The following DMXL1 variants were observed in gnomAD, a reference collection of about 807,000 sequenced individuals.
The protein encoded by DMXL1 is dmX-like protein 1.
In DMXL1, 99 loss-of-function variants were observed where a neutral mutation model predicts 319.2. That is an observed-to-expected ratio of 0.31 (90% CI 0.26 to 0.37). The LOEUF is 0.37. Among genes scored for constraint, DMXL1 ranks in the 10% least tolerant of loss-of-function variants. The pLI is 1.00. For synonymous variants in DMXL1, 1,385 were observed against 1,235.2 expected, an observed-to-expected ratio of 1.12 and a Z score of -2.54; for missense variants, 3,745 against 3,595.6, an observed-to-expected ratio of 1.04 and a Z score of -1.06.
chr5:119,144,192 A>G (rs553719083), intron 14 of DMXL1, among the ~76,000 whole-genome samples: 3 of 151,704 alleles, frequency 2.0e-5, no homozygotes, highest in South Asian at 2.1e-4. Context: ...AAATATTATC[A>G]TATTACCATT....
intron 42 of DMXL1, among the ~76,000 whole-genome samples, chr5:119,242,993 C>T (rs1338455610): frequency 6.6e-6 from 1 of 152,078 alleles, no homozygotes; most frequent in Non-Finnish European, 1.5e-5. Context: ...AATAATAGAA[C>T]TTCTGGAATG....
chr5:119,198,705 A>C (rs1216742608), intron 32 of DMXL1, among the ~76,000 whole-genome samples: 3 of 152,248 alleles, frequency 2.0e-5, no homozygotes, highest in African/African-American at 7.2e-5. Context: ...ACAAGGCATC[A>C]CATTACCTGA....
chr5:119,207,928 T>G (rs1044876807), intron 34 of DMXL1, among the ~76,000 whole-genome samples: 1 of 152,188 alleles, frequency 6.6e-6, no homozygotes, highest in Non-Finnish European at 1.5e-5. Context: ...CTCAAAAAAA[T>G]TTTTAAGGTT....
intron 1 of DMXL1, among the ~76,000 whole-genome samples, chr5:119,075,928 A>G (rs765273698): frequency 6.6e-6 from 1 of 152,184 alleles, no homozygotes; most frequent in Non-Finnish European, 1.5e-5. Flanking sequence ...TAAAAAGAAG[A>G]CTAGTTAATT....
chr5:119,090,655 C>A (rs569527865), intron 1 of DMXL1, among the ~76,000 whole-genome samples: 1 of 151,242 alleles, frequency 6.6e-6, no homozygotes, highest in African/African-American at 2.4e-5. Context: ...CTCTGCCTCC[C>A]GTGTTCAAGC....
At chr5:119,163,185 T>C (rs1287394137) in intron 19 of DMXL1, among the ~76,000 whole-genome samples, 1 of 152,200 alleles carries the variant, frequency 6.6e-6, no homozygotes, top group African/African-American at 2.4e-5. Flanking sequence ...TTTATAACTA[T>C]ATTATTTAAT....
intron 5 of DMXL1, 86 bp from the exon 6 acceptor site, chr5:119,114,389 C>A (rs375025752): frequency 5.9e-5 from 55 of 925,968 alleles, no homozygotes; most frequent in South Asian, 5.2e-4. Context: ...TCTTTTGAAC[C>A]AATTGCTGAT....
chr5:119,243,150 G>A (rs1461989509), intron 42 of DMXL1, among the ~76,000 whole-genome samples: 1 of 152,182 alleles, frequency 6.6e-6, no homozygotes. Flanking sequence ...TCATTTGTCA[G>A]TGCTCATCAA....
Position 119,129,330 on chromosome 5 carries a change from GT to G in DMXL1, c.1229del (p.Leu410TyrfsTer17). 1 of 1,613,718 alleles carries G rather than the reference GT, an allele frequency of 6.2e-7. No homozygotes were observed. The highest frequency in any genetic ancestry group is 1.7e-5 in the Admixed American group (1 of 60,000). The part of the protein sequence containing the change: ...KELHFTLSME[V>X]FLQQLRKSFE... ...ACTGCATTTTACTTTGTCCATGGAA[GT>G]TTTTTTACAGCAACTTAGAAAAAGT... On this transcript the variant is annotated frameshift_variant, in exon 10 of 44. Transcript: ENST00000539542. LOFTEE classifies it high-confidence loss of function.
intron 28 of DMXL1, among the ~76,000 whole-genome samples, chr5:119,186,651 G>A (rs1255355697): frequency 2.0e-5 from 3 of 152,190 alleles, no homozygotes; most frequent in Non-Finnish European, 4.4e-5. Flanking sequence ...AAGTCTAGCA[G>A]TACAGAAGAA....
At chr5:119,206,711 C>T (rs3797335) in intron 33 of DMXL1, 123 bp from the exon 34 acceptor site, 129,268 of 567,630 alleles carry the variant, frequency 0.23, 16,349 homozygotes, top group East Asian at 0.3. Context: ...AGAATAGTAA[C>T]TCCATATAAT....
chr5:119,203,492 CAT>C, intron 33 of DMXL1, 56 bp downstream of exon 33: 1 of 1,003,300 alleles, frequency 1.0e-6, no homozygotes, highest in African/African-American at 1.6e-5. Flanking sequence ...TTTATATTAT[CAT>C]GTAACCATTA....
At chr5:119,204,130 T>G (rs1269458249) in intron 33 of DMXL1, among the ~76,000 whole-genome samples, 1 of 151,258 alleles carries the variant, frequency 6.6e-6, no homozygotes, top group African/African-American at 2.4e-5. Flanking sequence ...CCTGAAAAAT[T>G]TTTATTGTAT....
chr5:119,241,260 A>G (rs1023990109), intron 42 of DMXL1, among the ~76,000 whole-genome samples: 17 of 152,264 alleles, frequency 1.1e-4, no homozygotes, highest in African/African-American at 3.6e-4. Context: ...GGCCGGGCGC[A>G]GTGGCTCATG....
intron 19 of DMXL1, among the ~76,000 whole-genome samples, chr5:119,155,972 G>C (rs747326106): frequency 3.9e-5 from 6 of 152,152 alleles, no homozygotes; most frequent in Non-Finnish European, 7.4e-5. Flanking sequence ...ATTTAGAATA[G>C]TCTGTAAACT....
intron 41 of DMXL1, 84 bp downstream of exon 41, chr5:119,239,164 G>A: frequency 7.2e-7 from 1 of 1,386,116 alleles, no homozygotes. Flanking sequence ...TTTGACTAAA[G>A]TTTACTTATG....
intron 9 of DMXL1, among the ~76,000 whole-genome samples, chr5:119,122,338 G>C (rs1208609940): frequency 2.5e-4 from 33 of 134,050 alleles, no homozygotes; most frequent in African/African-American, 6.1e-4. Flanking sequence ...CCCTCCCGGA[G>C]GGGGCGGCTG....
At chr5:119,120,581 G>A (rs112571476) in intron 8 of DMXL1, among the ~76,000 whole-genome samples, 5,921 of 152,276 alleles carry the variant, frequency 0.039, 311 homozygotes, top group African/African-American at 0.12. Flanking sequence ...ATTTAATACT[G>A]TGTGGTCACA....
rs1463039850 is a variant in DMXL1, at chr5:119,133,564, T to C, written c.1640T>C (p.Met547Thr). The C allele has an allele frequency of 2.5e-6, 4 of 1,614,140 alleles. No homozygotes were observed. In the South Asian group the frequency reaches 4.4e-5, roughly 18 times the overall value. ...GCAAACTCTCTCTGTAAAAGCATAA[T>C]GATGTATGCCTGTACCAAGAATGTT... Reference protein sequence around the residue: ...GDANSLCKSIMMYACTKNVDL... With the variant: ...GDANSLCKSITMYACTKNVDL... Residue 547 changes from methionine to threonine, a missense_variant, in exon 12 of 44, where the codon ATG becomes ACG. Met to Thr is a moderately conservative substitution (Grantham distance 81). Coordinates refer to ENST00000539542, the MANE Select transcript of DMXL1 (RefSeq NM_001290321.3).
Sources: allele counts gnomAD v4.1 joint callset (sites outside exome capture counted in the v4.1 genomes callset), GRCh38; gene constraint gnomAD v4.1.1; transcripts MANE v1.5; gene names NCBI Gene and HGNC (gene_info 2026-07-23, HGNC 2026-07-21).